The following BMPR1B variants were observed in gnomAD, a reference collection of about 807,000 sequenced individuals.
BMPR1B encodes bone morphogenetic protein receptor type-1B.
Under a neutral mutation model 59.1 loss-of-function variants are expected in BMPR1B, and 12 were observed. The observed-to-expected ratio is 0.20, with a 90% CI of 0.13 to 0.33. BMPR1B has a LOEUF of 0.33. Among genes scored for constraint, BMPR1B ranks in the 10% least tolerant of loss-of-function variants. BMPR1B has a pLI of 1.00. For synonymous variants in BMPR1B, 237 were observed against 207.3 expected (o/e 1.14, Z -1.23); for missense variants, 550 against 610.9 (o/e 0.90, Z 1.05).
At chr4:94,937,330 C>A (rs903828614) in intron 2 of BMPR1B, among the ~76,000 whole-genome samples, 10 of 152,118 alleles carry the variant, frequency 6.6e-5, no homozygotes, top group African/African-American at 2.4e-4. Context: ...CGTATTAATG[C>A]CTTGAATACA....
chr4:95,016,740 G>A (rs901756231), intron 3 of BMPR1B, among the ~76,000 whole-genome samples: 1 of 152,118 alleles, frequency 6.6e-6, no homozygotes, highest in African/African-American at 2.4e-5. Flanking sequence ...CAGACCATAT[G>A]TCAAGATATT....
intron 2 of BMPR1B, among the ~76,000 whole-genome samples, chr4:94,887,357 A>G (rs1727212852): frequency 6.7e-6 from 1 of 149,962 alleles, no homozygotes; most frequent in Non-Finnish European, 1.5e-5. Context: ...GTGAATTTTC[A>G]TACAAATCAA....
At chr4:94,860,236 T>C (rs1725926370) in intron 1 of BMPR1B, among the ~76,000 whole-genome samples, 1 of 152,196 alleles carries the variant, frequency 6.6e-6, no homozygotes. Flanking sequence ...CCTTTGGTCC[T>C]CCTTTAGGTA....
intron 1 of BMPR1B, among the ~76,000 whole-genome samples, chr4:94,794,942 A>G (rs1723130474): frequency 6.8e-6 from 1 of 147,048 alleles, no homozygotes; most frequent in Non-Finnish European, 1.5e-5. Flanking sequence ...GGTTTTCTAG[A>G]TATACAATCA....
chr4:94,977,984 T>C (rs1460940944), intron 2 of BMPR1B, among the ~76,000 whole-genome samples: 1 of 152,216 alleles, frequency 6.6e-6, no homozygotes, highest in African/African-American at 2.4e-5. Context: ...CTATTTTTTT[T>C]CTAGTACATA....
chr4:95,032,103 G>T (rs551880815), intron 3 of BMPR1B, among the ~76,000 whole-genome samples: 4 of 152,234 alleles, frequency 2.6e-5, no homozygotes, highest in East Asian at 1.9e-4. Flanking sequence ...AGACTGGATA[G>T]CTTAGACAAC....
At chr4:94,819,216 C>G (rs977002184) in intron 1 of BMPR1B, among the ~76,000 whole-genome samples, 9 of 152,006 alleles carry the variant, frequency 5.9e-5, no homozygotes, top group Admixed American at 3.9e-4. Context: ...CTTTCTCAGT[C>G]CTCTCAGAGT....
chr4:95,011,756 C>G (rs954941477), intron 3 of BMPR1B, among the ~76,000 whole-genome samples: 1 of 152,042 alleles, frequency 6.6e-6, no homozygotes, highest in Non-Finnish European at 1.5e-5. Flanking sequence ...CAGTGGCTCA[C>G]GGCTGTAATC....
At chr4:94,938,908 G>A (rs1729413948) in intron 2 of BMPR1B, among the ~76,000 whole-genome samples, 5 of 152,010 alleles carry the variant, frequency 3.3e-5, no homozygotes, top group Admixed American at 3.3e-4. Context: ...CTACTTGAGA[G>A]GCTGAGGCAG....
chr4:94,955,589 A>T (rs920474927), intron 2 of BMPR1B, among the ~76,000 whole-genome samples: 2 of 152,052 alleles, frequency 1.3e-5, no homozygotes, highest in African/African-American at 4.8e-5. Context: ...GGTGCATGCT[A>T]TGCTAGGCAT....
At chr4:95,143,543 G>A (rs1413355176) in intron 10 of BMPR1B, among the ~76,000 whole-genome samples, 1 of 152,118 alleles carries the variant, frequency 6.6e-6, no homozygotes, top group Admixed American at 6.6e-5. Context: ...CTTCCCTGGG[G>A]TAGAAGAGCC....
intron 1 of BMPR1B, among the ~76,000 whole-genome samples, chr4:94,766,237 T>G (rs1721962041): frequency 6.6e-6 from 1 of 152,116 alleles, no homozygotes; most frequent in Non-Finnish European, 1.5e-5. Flanking sequence ...TTTCCCTGTG[T>G]ATATCATTGG....
At chr4:94,959,802 T>C in intron 2 of BMPR1B, among the ~76,000 whole-genome samples, 1 of 152,048 alleles carries the variant, frequency 6.6e-6, no homozygotes, top group East Asian at 1.9e-4. Context: ...AGATCTAGGG[T>C]AGAGAGTATG....
intron 1 of BMPR1B, among the ~76,000 whole-genome samples, chr4:94,761,211 A>G (rs1721749859): frequency 6.6e-6 from 1 of 152,202 alleles, no homozygotes; most frequent in South Asian, 2.1e-4. Flanking sequence ...GCCGTGCATG[A>G]AATGTATCAC....
chr4:94,942,529 A>T (rs1285854460), intron 2 of BMPR1B, among the ~76,000 whole-genome samples: 1 of 152,322 alleles, frequency 6.6e-6, no homozygotes, highest in South Asian at 2.1e-4. Context: ...ACAAGTCTTA[A>T]TAGGCAGCAA....
chr4:94,833,640 C>G (rs1222296581), intron 1 of BMPR1B, among the ~76,000 whole-genome samples: 1 of 152,158 alleles, frequency 6.6e-6, no homozygotes, highest in African/African-American at 2.4e-5. Flanking sequence ...CACCTCCTTC[C>G]CCTGCCTAAG....
chr4:95,071,815 C>G (rs1021495628), intron 3 of BMPR1B, among the ~76,000 whole-genome samples: 8 of 151,370 alleles, frequency 5.3e-5, no homozygotes, highest in African/African-American at 1.5e-4. Flanking sequence ...TTTTAAAATG[C>G]CTGGTTATTT....
At chr4:94,851,666 TA>T (rs1725570770) in intron 1 of BMPR1B, among the ~76,000 whole-genome samples, 1 of 138,254 alleles carries the variant, frequency 7.2e-6, no homozygotes, top group African/African-American at 2.9e-5. Flanking sequence ...TTTTATCTTA[TA>T]ATATTTATTA....
At chr4:95,123,687 T>C (rs976165957) in intron 6 of BMPR1B, 123 bp from the exon 7 acceptor site, 5 of 755,260 alleles carry the variant, frequency 6.6e-6, no homozygotes, top group South Asian at 4.8e-5. Context: ...TTAATTGGTA[T>C]GTGAAAAGGA....
Sources: gnomAD v4.1 joint callset for allele counts (sites outside exome capture counted in the v4.1 genomes callset) on GRCh38, gnomAD v4.1.1 for gene constraint, MANE v1.5 for transcripts, NCBI Gene and HGNC (gene_info 2026-07-23, HGNC 2026-07-21) for gene names.